The following CDK14 variants were observed in gnomAD, a reference collection of about 807,000 sequenced individuals.
CDK14 encodes cyclin-dependent kinase 14.
In CDK14, 34 loss-of-function variants were observed where a neutral mutation model predicts 60.7. That is an observed-to-expected ratio of 0.56 (90% CI 0.43 to 0.75). The LOEUF is 0.75. Ranked by LOEUF, CDK14 falls within the 30% of genes least tolerant of loss-of-function variation. CDK14 has a pLI of 0.00. For synonymous variants in CDK14, 197 were observed against 203.7 expected (o/e 0.97, Z 0.28); for missense variants, 482 against 564.1 (o/e 0.85, Z 1.47).
chr7:90,744,975 C>T (rs1803533798), intron 3 of CDK14, among the ~76,000 whole-genome samples: 1 of 152,210 alleles, frequency 6.6e-6, no homozygotes, highest in Admixed American at 6.5e-5. Context: ...TCTAACCTCT[C>T]ACTCCTTACC....
chr7:90,794,431 T>C (rs1054546112), intron 5 of CDK14, among the ~76,000 whole-genome samples: 9 of 152,164 alleles, frequency 5.9e-5, no homozygotes, highest in Non-Finnish European at 8.8e-5. Flanking sequence ...ATTTCATCCC[T>C]TGTCTACAAC....
chr7:90,979,984 C>T (rs943499175), intron 9 of CDK14, among the ~76,000 whole-genome samples: 2 of 151,942 alleles, frequency 1.3e-5, no homozygotes, highest in African/African-American at 4.8e-5. Flanking sequence ...ATTTTATAAT[C>T]TTTTTAATAA....
intron 10 of CDK14, among the ~76,000 whole-genome samples, chr7:91,002,416 T>C (rs1056387194): frequency 1.3e-5 from 2 of 152,220 alleles, no homozygotes; most frequent in Non-Finnish European, 2.9e-5. Flanking sequence ...ATTACCTCCA[T>C]TAAAATATTT....
chr7:90,690,271 G>C (rs1801527981), intron 2 of CDK14, among the ~76,000 whole-genome samples: 1 of 152,118 alleles, frequency 6.6e-6, no homozygotes, highest in Non-Finnish European at 1.5e-5. Context: ...AGAAGAGGCA[G>C]GTTGTGTGAC....
intron 14 of CDK14, among the ~76,000 whole-genome samples, chr7:91,123,708 C>G (rs921547302): frequency 1.3e-5 from 2 of 152,006 alleles, no homozygotes; most frequent in Non-Finnish European, 2.9e-5. Flanking sequence ...CCTCCTTGTC[C>G]CTTCTCTGCC....
At chr7:91,175,519 G>A (rs923247774) in intron 14 of CDK14, among the ~76,000 whole-genome samples, 29 of 152,140 alleles carry the variant, frequency 1.9e-4, no homozygotes, top group Non-Finnish European at 8.8e-5. Context: ...CTGGCAAATT[G>A]AATAAAGAGT....
At chr7:91,159,861 T>C (rs964004515) in intron 14 of CDK14, among the ~76,000 whole-genome samples, 1 of 152,110 alleles carries the variant, frequency 6.6e-6, no homozygotes, top group Non-Finnish European at 1.5e-5. Context: ...CCCTCAGTCA[T>C]GGATGGTGAG....
chr7:90,795,030 CT>C (rs1302426960), intron 5 of CDK14, among the ~76,000 whole-genome samples: 1 of 151,966 alleles, frequency 6.6e-6, no homozygotes, highest in South Asian at 2.1e-4. Context: ...GTCCCACAAG[CT>C]TTTTTTTAAT....
At chr7:91,018,078 C>T (rs1302187166) in intron 10 of CDK14, among the ~76,000 whole-genome samples, 1 of 152,160 alleles carries the variant, frequency 6.6e-6, no homozygotes, top group African/African-American at 2.4e-5. Context: ...CAAGTACATA[C>T]ATACTGGATA....
At chr7:90,831,509 A>G (rs1416359713) in intron 5 of CDK14, among the ~76,000 whole-genome samples, 1 of 152,164 alleles carries the variant, frequency 6.6e-6, no homozygotes, top group Non-Finnish European at 1.5e-5. Context: ...AAACTGTATT[A>G]AGTACAATTT....
chr7:90,599,892 TG>T (rs1481313853), intron 1 of CDK14, among the ~76,000 whole-genome samples: 1 of 152,258 alleles, frequency 6.6e-6, no homozygotes, highest in East Asian at 1.9e-4. Flanking sequence ...ATCTGATGTC[TG>T]GTCAGTGTTT....
intron 2 of CDK14, among the ~76,000 whole-genome samples, chr7:90,690,087 A>G (rs192222698): frequency 6.4e-4 from 97 of 152,288 alleles, no homozygotes; most frequent in African/African-American, 2.0e-3. Flanking sequence ...TACTTAACAA[A>G]CTGCATTAGA....
chr7:90,879,873 G>A (rs1008202973), intron 6 of CDK14, among the ~76,000 whole-genome samples: 7 of 151,808 alleles, frequency 4.6e-5, no homozygotes, highest in African/African-American at 7.3e-5. Flanking sequence ...CACGGGAAAG[G>A]GGAGCCCCCA....
intron 14 of CDK14, among the ~76,000 whole-genome samples, chr7:91,130,615 G>T (rs145512458): frequency 0.011 from 1,726 of 152,102 alleles, 41 homozygotes; most frequent in African/African-American, 0.039. Flanking sequence ...AATGATTCTG[G>T]ATCTCTCGAT....
intron 14 of CDK14, among the ~76,000 whole-genome samples, chr7:91,191,563 A>G (rs1400493198): frequency 6.6e-6 from 1 of 151,858 alleles, no homozygotes; most frequent in African/African-American, 2.4e-5. Context: ...ATATGTATAT[A>G]TACATAACTT....
At chr7:90,770,857 T>C (rs1804758535) in intron 4 of CDK14, among the ~76,000 whole-genome samples, 1 of 152,192 alleles carries the variant, frequency 6.6e-6, no homozygotes, top group South Asian at 2.1e-4. Flanking sequence ...ACTATCTCCA[T>C]GACCAAACTT....
At position 91,040,356 on chromosome 7, in the gene CDK14, G is replaced by A. The variant is rs546975413; in HGVS notation, c.1042-5541G>A. Among the ~76,000 whole-genome samples, 47 of 152,198 alleles carry A rather than the reference G, an allele frequency of 3.1e-4. 1 individual carries two copies. The highest frequency in any genetic ancestry group is 1.6e-3 in the Admixed American group (24 of 15,286). On this transcript the variant is annotated intron_variant, in intron 10 of 14. Coordinates refer to ENST00000380050, the MANE Select transcript of CDK14 (RefSeq NM_001287135.2). ...GTTCCAGAGCAGGGTGTATAATATT[G>A]CAGCTGAGTTCTGCTGAGCCACTTC...
chr7:91,130,183 A>T (rs533421069), intron 14 of CDK14, among the ~76,000 whole-genome samples: 1 of 152,282 alleles, frequency 6.6e-6, no homozygotes, highest in African/African-American at 2.4e-5. Context: ...ATCATAATAG[A>T]TTGAATGTAG....
chr7:90,931,498 C>T (rs139587346), intron 8 of CDK14, among the ~76,000 whole-genome samples: 2,243 of 152,296 alleles, frequency 0.015, 47 homozygotes, highest in Non-Finnish European at 0.017. Flanking sequence ...GACTCTACTC[C>T]ATTTCCTTTC....
Sources: gnomAD v4.1 joint callset for allele counts (sites outside exome capture counted in the v4.1 genomes callset) on GRCh38, gnomAD v4.1.1 for gene constraint, MANE v1.5 for transcripts, NCBI Gene and HGNC (gene_info 2026-07-23, HGNC 2026-07-21) for gene names.